Variants in LNP1 observed in about 807,000 individuals in gnomAD.
The protein encoded by LNP1 is leukemia NUP98 fusion partner 1.
In LNP1, 12 loss-of-function variants were observed where a neutral mutation model predicts 14.5. The observed-to-expected ratio is 0.83, with a 90% CI of 0.53 to 1.34. The LOEUF (loss-of-function observed/expected upper bound fraction) is 1.34. Ranked by LOEUF, LNP1 falls within the 40% of genes most tolerant of loss-of-function variation. The probability of loss-of-function intolerance (pLI) is 0.00; values close to 1 mark genes in which losing one functional copy is unlikely to be tolerated. For missense variants in LNP1, 198 were observed against 210.9 expected (o/e 0.94, Z 0.38); for synonymous variants, 75 against 71.4 (o/e 1.05, Z -0.26).
intron 2 of LNP1, among the ~76,000 whole-genome samples, chr3:100,447,366 G>A (rs908722817): frequency 3.9e-5 from 6 of 152,036 alleles, no homozygotes; most frequent in South Asian, 2.1e-4. Flanking sequence ...ACCAAACACC[G>A]CATGTTCTCA....
intron 2 of LNP1, among the ~76,000 whole-genome samples, chr3:100,445,708 T>G (rs1014189269): frequency 9.9e-5 from 15 of 152,216 alleles, no homozygotes; most frequent in African/African-American, 3.4e-4. Context: ...CCCCATCGTC[T>G]CAGCCCAAAA....
chr3:100,440,797 A>G (rs1170627420), intron 2 of LNP1, among the ~76,000 whole-genome samples: 2 of 152,214 alleles, frequency 1.3e-5, no homozygotes, highest in South Asian at 2.1e-4. Context: ...TACCCGAATT[A>G]TTAATGACAG....
intron 1 of LNP1, among the ~76,000 whole-genome samples, chr3:100,416,643 GT>G (rs1707087121): frequency 6.7e-6 from 1 of 148,490 alleles, no homozygotes; most frequent in Admixed American, 6.7e-5. Flanking sequence ...GTGTGTGTGT[GT>G]GTGGTGTTTT....
At chr3:100,416,132 T>C (rs1328730543) in intron 1 of LNP1, among the ~76,000 whole-genome samples, 2 of 152,254 alleles carry the variant, frequency 1.3e-5, no homozygotes, top group Non-Finnish European at 1.5e-5. Flanking sequence ...CAGCCACTTA[T>C]GCTTAATGCT....
rs139318977 is a variant in LNP1, at chr3:100,435,060, A to G, written c.156+5175A>G. 7.2e-5 allele frequency among the ~76,000 whole-genome samples: 11 copies of G among 152,240 alleles called. No homozygotes were observed. The East Asian group carries it at 2.1e-3, about 29-fold the overall frequency. ...GAGAGAACACATACTATCAAGTGTC[A>G]TGATTGGCAGTGGCTTCTTGTATTT... On this transcript the variant is annotated intron_variant, in intron 2 of 3. Coordinates refer to ENST00000383693, the MANE Select transcript of LNP1 (RefSeq NM_001085451.2).
At chr3:100,442,067 A>T (rs1707348870) in intron 2 of LNP1, among the ~76,000 whole-genome samples, 1 of 152,172 alleles carries the variant, frequency 6.6e-6, no homozygotes, top group African/African-American at 2.4e-5. Flanking sequence ...TTACATGAAT[A>T]TTTACCCTTA....
At position 100,409,906 on chromosome 3, in the gene LNP1, T is replaced by A. The variant is rs116339927; in HGVS notation, c.-34+7467T>A. 9.4e-3 allele frequency among the ~76,000 whole-genome samples: 1,422 copies of A among 151,912 alleles called. 9 individuals carry two copies. Among genetic ancestry groups the A allele is most frequent in the Middle Eastern group, 0.037 (11 of 294 alleles). ...CACCACACCCAGCCTAAATATATAT[T>A]TGTATATATTTAATTAAATATATGC... On this transcript the variant is annotated intron_variant, in intron 1 of 3. Coordinates refer to ENST00000383693, the MANE Select transcript of LNP1 (RefSeq NM_001085451.2).
At chr3:100,428,260 G>T (rs770188274) in intron 1 of LNP1, among the ~76,000 whole-genome samples, 1 of 152,152 alleles carries the variant, frequency 6.6e-6, no homozygotes, top group African/African-American at 2.4e-5. Context: ...GGGATCTGGC[G>T]TGGTGGCTCA....
chr3:100,454,493 A>G (rs1367269275), intron 3 of LNP1, among the ~76,000 whole-genome samples: 1 of 152,202 alleles, frequency 6.6e-6, no homozygotes, highest in African/African-American at 2.4e-5. Flanking sequence ...AATGTATACT[A>G]ATACCTAGAT....
At chr3:100,415,289 C>T (rs1707071779) in intron 1 of LNP1, among the ~76,000 whole-genome samples, 1 of 151,748 alleles carries the variant, frequency 6.6e-6, no homozygotes. Context: ...TCCTATAGAT[C>T]AATAAGAAAA....
intron 1 of LNP1, among the ~76,000 whole-genome samples, chr3:100,428,037 G>A (rs1028088148): frequency 8.5e-5 from 13 of 152,220 alleles, no homozygotes; most frequent in African/African-American, 2.7e-4. Flanking sequence ...GATTGAAAAT[G>A]CGAGACTTCT....
At position 100,449,729 on chromosome 3, in the gene LNP1, C is replaced by T. The variant is rs73860644; in HGVS notation, c.157-1990C>T. On this transcript the variant is annotated intron_variant, in intron 2 of 3. Coordinates refer to ENST00000383693, the MANE Select transcript of LNP1 (RefSeq NM_001085451.2). ...CACACACATAACACATATACACACA[C>T]ATCTTGAATGTTAGCTTTTAATTAA... Among the ~76,000 whole-genome samples, 1,351 of 152,256 alleles carry T rather than the reference C, an allele frequency of 8.9e-3. 24 individuals are homozygous for T. The highest frequency in any genetic ancestry group is 0.031 in the African/African-American group (1,287 of 41,554).
At chr3:100,441,179 C>G (rs1707340457) in intron 2 of LNP1, among the ~76,000 whole-genome samples, 1 of 152,156 alleles carries the variant, frequency 6.6e-6, no homozygotes. Flanking sequence ...AAAGGGAAAG[C>G]AGGAAGGTGC....
chr3:100,452,202 CTTTT>C (rs1321009854), intron 3 of LNP1, among the ~76,000 whole-genome samples: 1 of 129,308 alleles, frequency 7.7e-6, no homozygotes. Flanking sequence ...GTTTTTCTTT[CTTTT>C]TTTTTTTTTT....
chr3:100,442,342 T>G (rs989128989), intron 2 of LNP1, among the ~76,000 whole-genome samples: 3 of 152,182 alleles, frequency 2.0e-5, no homozygotes, highest in Non-Finnish European at 2.9e-5. Context: ...GGAAGTTTAT[T>G]TTGCCAAGGT....
chr3:100,440,984 GGGAGGA>G (rs1267096916), intron 2 of LNP1, among the ~76,000 whole-genome samples: 4 of 152,180 alleles, frequency 2.6e-5, no homozygotes, highest in African/African-American at 9.7e-5. Context: ...GTCACTGGCA[GGGAGGA>G]GCCTGTGCCA....
chr3:100,455,267 T>A (rs1335244812), intron 3 of LNP1, among the ~76,000 whole-genome samples: 1 of 152,268 alleles, frequency 6.6e-6, no homozygotes, highest in African/African-American at 2.4e-5. Context: ...AATCAGTGAA[T>A]AATGTGGAAT....
At chr3:100,436,232 C>G (rs919191034) in intron 2 of LNP1, among the ~76,000 whole-genome samples, 1 of 152,138 alleles carries the variant, frequency 6.6e-6, no homozygotes, top group African/African-American at 2.4e-5. Flanking sequence ...CTTATTGCCA[C>G]AAAGGCTTTG....
chr3:100,412,633 T>A (rs951607793), intron 1 of LNP1, among the ~76,000 whole-genome samples: 1 of 152,246 alleles, frequency 6.6e-6, no homozygotes, highest in African/African-American at 2.4e-5. Flanking sequence ...CGTGTCTGAT[T>A]TATTTTGTAT....
Sources: gnomAD v4.1 joint callset for allele counts (sites outside exome capture counted in the v4.1 genomes callset) on GRCh38, gnomAD v4.1.1 for gene constraint, MANE v1.5 for transcripts, NCBI Gene and HGNC (gene_info 2026-07-23, HGNC 2026-07-21) for gene names.